Variants in ABCB4 observed in about 807,000 individuals in gnomAD.
The protein encoded by ABCB4 is phosphatidylcholine translocator ABCB4.
In ABCB4, 76 loss-of-function variants were observed where a neutral mutation model predicts 145.7. The ratio of observed to expected loss-of-function variants is 0.52; its 90% CI spans 0.43 to 0.63. The LOEUF is 0.63. Among genes scored for constraint, ABCB4 ranks in the 30% least tolerant of loss-of-function variants. The pLI, the probability that ABCB4 is intolerant of heterozygous loss-of-function variation, is 0.00. For missense variants in ABCB4, 1,234 were observed against 1,553.1 expected (o/e 0.79, Z 3.45); for synonymous variants, 517 against 566.8 (o/e 0.91, Z 1.25).
chr7:87,453,293 C>G (rs1811883772), intron 5 of ABCB4, among the ~76,000 whole-genome samples, 158 bp from the exon 6 acceptor site: 1 of 152,162 alleles, frequency 6.6e-6, no homozygotes, highest in African/African-American at 2.4e-5. Flanking sequence ...AAGTGATTCT[C>G]CTGCCTCAGC....
chr7:87,443,536 T>G, intron 11 of ABCB4, 92 bp from the exon 12 acceptor site: 1 of 1,572,730 alleles, frequency 6.4e-7, no homozygotes, highest in Non-Finnish European at 8.7e-7. Flanking sequence ...AAAAAAAGTA[T>G]CAAATAAGGG....
chr7:87,411,550 C>A (rs1447594437), intron 23 of ABCB4, among the ~76,000 whole-genome samples: 1 of 152,114 alleles, frequency 6.6e-6, no homozygotes, highest in Non-Finnish European at 1.5e-5. Context: ...GCTATATAAC[C>A]CTGTTTTGAG....
At chr7:87,453,180 T>G in intron 5 of ABCB4, 45 bp from the exon 6 acceptor site, 1 of 1,578,430 alleles carries the variant, frequency 6.3e-7, no homozygotes, top group Non-Finnish European at 8.7e-7. Flanking sequence ...TCTCTTTTCT[T>G]TTTTCTTTTC....
the ABCB4 span, among the ~76,000 whole-genome samples, chr7:87,388,620 T>C: frequency 6.6e-6 from 1 of 152,074 alleles, no homozygotes; most frequent in Non-Finnish European, 1.5e-5. Context: ...TATACAAAAA[T>C]TAACTCAAGA....
intron 21 of ABCB4, among the ~76,000 whole-genome samples, chr7:87,414,559 G>A (rs1808840737): frequency 6.6e-6 from 1 of 152,156 alleles, no homozygotes; most frequent in Non-Finnish European, 1.5e-5. Flanking sequence ...CTTGACAAAT[G>A]TTGATTGTCT....
intron 19 of ABCB4, among the ~76,000 whole-genome samples, chr7:87,419,766 C>T (rs963995383): frequency 4.2e-5 from 6 of 144,264 alleles, no homozygotes; most frequent in Non-Finnish European, 9.0e-5. Context: ...GCCAAAGCTA[C>T]CCAAATAAAG....
chr7:87,412,096 A>G, intron 22 of ABCB4, 63 bp from the exon 23 acceptor site: 1 of 1,597,920 alleles, frequency 6.3e-7, no homozygotes, highest in Admixed American at 1.7e-5. Flanking sequence ...TGTGTAGTGG[A>G]AAGAGCACGG....
intron 14 of ABCB4, among the ~76,000 whole-genome samples, chr7:87,438,053 T>C (rs1283564818): frequency 1.3e-5 from 2 of 152,202 alleles, no homozygotes; most frequent in East Asian, 3.8e-4. Context: ...TCTCCAATAA[T>C]TCTATTCTTT....
chr7:87,444,916 A>C lies in ABCB4; in HGVS notation c.1065T>G (p.Asp355Glu). ...CTGCTCCTCTTGCATTGGCAAAAGC[A>C]TCAATACATGGGGCAGCCTGGCCAA... ...FSVGQAAPCIDAFANARGAAY... is the reference protein window; with the variant it reads ...FSVGQAAPCIEAFANARGAAY... The change falls in exon 10 of 28, where the codon GAT (aspartate) becomes GAG (glutamate). Residue 355 changes from aspartate to glutamate, a missense_variant. Physicochemically the swap from Asp to Glu is conservative, Grantham distance 45. This residue lies in a region of ABCB4 where 467 missense variants were observed against 632.8 expected (regional missense o/e 0.74). Coordinates refer to ENST00000649586, the MANE Select transcript of ABCB4 (RefSeq NM_000443.4). 1 of 1,608,972 alleles carries C rather than the reference A, an allele frequency of 6.2e-7. No homozygotes were observed. The highest frequency in any genetic ancestry group is 2.2e-5 in the East Asian group (1 of 44,830).
the ABCB4 span, chr7:87,391,788 A>G: frequency 3.6e-3 from 5,053 of 1,413,430 alleles, 32 homozygotes; most frequent in South Asian, 6.1e-3. Flanking sequence ...TGAGTAACTA[A>G]CTTCTTTGCT....
the ABCB4 span, chr7:87,382,254 C>T: frequency 1.0e-5 from 15 of 1,436,046 alleles, no homozygotes; most frequent in Non-Finnish European, 4.8e-6. Context: ...ATTTGGCTGT[C>T]ATCCAAGCAT....
chr7:87,383,497 CT>C, the ABCB4 span, among the ~76,000 whole-genome samples: 92,153 of 130,292 alleles, frequency 0.71, 32,375 homozygotes, highest in Middle Eastern at 0.8. Context: ...ATGTATATCA[CT>C]TTTTTTTTTT....
At chr7:87,430,948 G>T (rs1452708689) in intron 15 of ABCB4, among the ~76,000 whole-genome samples, 2 of 152,184 alleles carry the variant, frequency 1.3e-5, no homozygotes, top group African/African-American at 2.4e-5. Flanking sequence ...AACCACTAGA[G>T]ATCCTGGCTG....
At chr7:87,463,928 C>T (rs921566339) in intron 3 of ABCB4, among the ~76,000 whole-genome samples, 5 of 152,176 alleles carry the variant, frequency 3.3e-5, no homozygotes, top group Admixed American at 6.5e-5. Context: ...CCATTTATGG[C>T]TCTCTTTCTC....
chr7:87,386,640 G>A, the ABCB4 span, among the ~76,000 whole-genome samples: 2 of 152,082 alleles, frequency 1.3e-5, no homozygotes, highest in Non-Finnish European at 2.9e-5. Context: ...ATTGCTTACT[G>A]TTGTGGACTT....
Position 87,408,007 on chromosome 7 carries a change from T to G in ABCB4, c.3279+30A>C, listed in dbSNP as rs1266714192. ...TGGTTGGGCCAATTAAAATATAGCCTTCAATCAAGTTATAAGGAAATGTGC... is the reference window on the plus strand; with the variant it reads ...TGGTTGGGCCAATTAAAATATAGCCGTCAATCAAGTTATAAGGAAATGTGC... On this transcript the variant is annotated intron_variant, in intron 25 of 27. Coordinates refer to ENST00000649586, the MANE Select transcript of ABCB4 (RefSeq NM_000443.4). 7 of 1,611,942 alleles carry G rather than the reference T, an allele frequency of 4.3e-6. No individual in the cohort carries two copies. The South Asian group carries it at 7.7e-5, about 18-fold the overall frequency.
chr7:87,456,797 G>C (rs1465571756), intron 4 of ABCB4, among the ~76,000 whole-genome samples: 1 of 151,944 alleles, frequency 6.6e-6, no homozygotes, highest in African/African-American at 2.4e-5. Flanking sequence ...TCTAGTGCTG[G>C]GTTAGTAACC....
chr7:87,443,309 T>C lies in ABCB4; in HGVS notation c.1356+10A>G, dbSNP rs374723850. 4.1e-5 allele frequency: 66 copies of C among 1,614,006 alleles called. No homozygotes were observed. The East Asian group carries it at 1.0e-3, about 25-fold the overall frequency. ...TTCCCACTCTGGAAAGCTTGGTTCTTCCCACTTACTGTGCCCTCATCAGGG... is the reference window on the plus strand; with the variant it reads ...TTCCCACTCTGGAAAGCTTGGTTCTCCCCACTTACTGTGCCCTCATCAGGG... On this transcript the variant is annotated intron_variant, in intron 12 of 27. Transcript: ENST00000649586.
In ABCB4 at chr7:87,417,485, G is replaced by A; in HGVS notation, c.2509C>T (p.Gln837Ter). 6.2e-7 allele frequency: 1 copy of A among 1,614,132 alleles called. No homozygotes were observed. Among genetic ancestry groups the A allele is most frequent in the Non-Finnish European group, 8.5e-7 (1 of 1,180,002 alleles). Residue 837 changes from glutamine (Q) to a stop codon, truncating the protein, a stop_gained, in exon 21 of 28, where the codon CAG becomes TAG. Transcript: ENST00000649586. LOFTEE classifies it high-confidence loss of function. ...CCAGTTCCAAGGTTAGCTATATTCT[G>A]TGCAATTAAAGCCAACCTGGTTCCT... is the stretch of plus-strand genomic sequence containing the variant. ...ATGTRLALIA[Q>*]NIANLGTGII... is the part of the protein sequence containing the mutation.
Sources: gnomAD v4.1 joint callset for allele counts (sites outside exome capture counted in the v4.1 genomes callset) on GRCh38, gnomAD v4.1.1 for gene constraint, gnomAD v4.1.1 regional missense constraint, MANE v1.5 for transcripts, NCBI Gene and HGNC (gene_info 2026-07-23, HGNC 2026-07-21) for gene names.